The following PIP4K2A variants were observed in gnomAD, a reference collection of about 807,000 sequenced individuals.
The protein encoded by PIP4K2A is phosphatidylinositol-5-phosphate 4-kinase type 2 alpha, also known as phosphatidylinositol 5-phosphate 4-kinase type-2 alpha.
In PIP4K2A, 14 loss-of-function variants were observed where a neutral mutation model predicts 42.9. That is an observed-to-expected ratio of 0.33 (90% confidence interval 0.22 to 0.51). PIP4K2A has a LOEUF of 0.51. PIP4K2A is among the 20% of genes least tolerant of loss of function. PIP4K2A has a pLI of 0.97. For synonymous variants in PIP4K2A, 192 were observed against 192.2 expected, an observed-to-expected ratio of 1.00 and a Z score of 0.01; for missense variants, 434 against 519.8, an observed-to-expected ratio of 0.83 and a Z score of 1.61.
rs537337790 is a variant in PIP4K2A, at chr10:22,578,518, A to C, written c.493-5061T>G. On this transcript the variant is annotated intron_variant, in intron 4 of 9. Coordinates refer to ENST00000376573, the MANE Select transcript of PIP4K2A (RefSeq NM_005028.5). ...GCTGTGTTCTCCTGGCAGTCCTCCT[A>C]CTCCGTCCCATCTTTCCTGCTCTTT... is the stretch of plus-strand genomic sequence containing the variant. Among the ~76,000 whole-genome samples, 31 of 151,358 alleles carry C rather than the reference A, an allele frequency of 2.0e-4. No individual in the cohort carries two copies. In the South Asian group the frequency reaches 5.9e-3, roughly 29 times the overall value.
At chr10:22,640,014 C>CTTTTTTTTTTTTTTTTTTT (rs71395806) in intron 1 of PIP4K2A, among the ~76,000 whole-genome samples, 1 of 92,354 alleles carries the variant, frequency 1.1e-5, no homozygotes, top group Non-Finnish European at 2.0e-5. Flanking sequence ...GATGTGTTGT[C>CTTTTTTTTTTTTTTTTTTT]TTTTTTTTTT....
chr10:22,582,925 A>G (rs1311649177), intron 4 of PIP4K2A, among the ~76,000 whole-genome samples: 1 of 151,162 alleles, frequency 6.6e-6, no homozygotes, highest in Non-Finnish European at 1.5e-5. Context: ...AAGGATGACT[A>G]CATTTAAGCA....
rs1425281380 is a variant in PIP4K2A at position 22,664,090 on chromosome 10, C to CGTAT, written c.144+50092_144+50093insATAC. Reference sequence around the variant, plus strand: ...ATATATATATACGTATATATATATACATATATATATATACATATATATATA... The same window carrying CGTAT: ...ATATATATATACGTATATATATATACGTATATATATATATATACATATATATATA... On this transcript the variant is annotated intron_variant, in intron 1 of 9. Transcript: ENST00000376573. Among the ~76,000 whole-genome samples, 4 of 64,046 alleles carry CGTAT rather than the reference C, an allele frequency of 6.2e-5. No homozygotes were observed. In the African/African-American group the frequency reaches 6.5e-4, roughly 10 times the overall value. 42.0% of individuals were successfully genotyped at this position (64,046 alleles called of 152,430 possible).
intron 1 of PIP4K2A, among the ~76,000 whole-genome samples, chr10:22,642,376 C>A (rs1213721329): frequency 6.6e-6 from 1 of 152,030 alleles, no homozygotes; most frequent in East Asian, 1.9e-4. Context: ...TAAAATCATA[C>A]CAACAAAGAA....
At chr10:22,537,457 A>G (rs977680464) in intron 9 of PIP4K2A, among the ~76,000 whole-genome samples, 176 bp from the exon 10 acceptor site, 1 of 152,164 alleles carries the variant, frequency 6.6e-6, no homozygotes, top group Non-Finnish European at 1.5e-5. Context: ...TCATGGTTGA[A>G]TAAGCAAGGT....
At chr10:22,608,079 T>C in intron 2 of PIP4K2A, 56 bp from the exon 3 acceptor site, 1 of 1,128,510 alleles carries the variant, frequency 8.9e-7, no homozygotes, top group Non-Finnish European at 1.3e-6. Flanking sequence ...GACTTGCATC[T>C]GCCACCACTG....
chr10:22,560,294 C>A (rs1836655600), intron 6 of PIP4K2A, among the ~76,000 whole-genome samples: 2 of 152,268 alleles, frequency 1.3e-5, no homozygotes, highest in South Asian at 4.1e-4. Flanking sequence ...TAAAGATTTC[C>A]AGAAGGATAC....
chr10:22,675,530 CAG>C (rs1231671762), intron 1 of PIP4K2A, among the ~76,000 whole-genome samples: 1 of 152,052 alleles, frequency 6.6e-6, no homozygotes, highest in African/African-American at 2.4e-5. Context: ...AGGTTGCAGT[CAG>C]TGAGCCAAGA....
intron 1 of PIP4K2A, 136 bp downstream of exon 1, chr10:22,714,047 C>T: frequency 1.1e-6 from 1 of 912,576 alleles, no homozygotes; most frequent in South Asian, 1.8e-5. Flanking sequence ...CTGGGGGCTT[C>T]GAGGCGGGCG....
At chr10:22,658,872 C>A (rs1482370019) in intron 1 of PIP4K2A, among the ~76,000 whole-genome samples, 1 of 152,232 alleles carries the variant, frequency 6.6e-6, no homozygotes, top group Non-Finnish European at 1.5e-5. Flanking sequence ...CCCGAGGTCA[C>A]AAGGTCATAT....
At chr10:22,625,383 C>A (rs956579604) in intron 1 of PIP4K2A, among the ~76,000 whole-genome samples, 8 of 152,102 alleles carry the variant, frequency 5.3e-5, no homozygotes, top group Admixed American at 2.0e-4. Context: ...CTTTTTCAGT[C>A]TTAAATATGC....
rs767408372 is a variant in PIP4K2A, at chr10:22,537,363, C to T, written c.1141-82G>A. On this transcript the variant is annotated intron_variant, in intron 9 of 9. Coordinates refer to ENST00000376573, the MANE Select transcript of PIP4K2A (RefSeq NM_005028.5). ...ATTACTCAATATCTACAGCTATTTC[C>T]AATGGCAACTGAATATACAGCAAGC... is the stretch of plus-strand genomic sequence containing the variant. 3.3e-4 allele frequency: 351 copies of T among 1,059,762 alleles called. 2 individuals are homozygous for T. Among genetic ancestry groups the T allele is most frequent in the Non-Finnish European group, 4.5e-4 (320 of 706,222 alleles). The allele number at this position is 1,059,762 out of a possible 1,614,324, so 65.6% of individuals were successfully genotyped here.
chr10:22,550,817 C>T, intron 6 of PIP4K2A, 45 bp from the exon 7 acceptor site: 1 of 1,186,470 alleles, frequency 8.4e-7, no homozygotes, highest in Non-Finnish European at 1.3e-6. Flanking sequence ...TTGAAGAAAA[C>T]CTAAAAAAAC....
In PIP4K2A at chr10:22,548,394, G is replaced by A. The variant is rs529747431; in HGVS notation, c.792+2265C>T. 9.9e-5 allele frequency among the ~76,000 whole-genome samples: 15 copies of A among 152,270 alleles called. No homozygotes were observed. In the South Asian group the frequency reaches 2.9e-3, roughly 29 times the overall value. ...TGTAATTCAACTGTAAATTTGAACT[G>A]CTTGAATTACATTATTTCTGGAGTC... is the stretch of plus-strand genomic sequence containing the variant. On this transcript the variant is annotated intron_variant, in intron 7 of 9. Transcript: ENST00000376573.
chr10:22,626,433 G>A (rs1417177417), intron 1 of PIP4K2A, among the ~76,000 whole-genome samples: 2 of 152,152 alleles, frequency 1.3e-5, no homozygotes, highest in African/African-American at 2.4e-5. Flanking sequence ...TAATTGTTTA[G>A]CAAGTAATAT....
At chr10:22,632,744 T>C (rs1048270150) in intron 1 of PIP4K2A, among the ~76,000 whole-genome samples, 2 of 152,190 alleles carry the variant, frequency 1.3e-5, no homozygotes, top group Admixed American at 6.5e-5. Flanking sequence ...AGAGCTTATT[T>C]TGAAATAAAA....
At chr10:22,636,813 C>T (rs1000860939) in intron 1 of PIP4K2A, among the ~76,000 whole-genome samples, 5 of 152,172 alleles carry the variant, frequency 3.3e-5, no homozygotes, top group South Asian at 2.1e-4. Context: ...GTACTGGCCG[C>T]GAGGGTGGCT....
chr10:22,675,776 CAG>C (rs1839546161), intron 1 of PIP4K2A, among the ~76,000 whole-genome samples: 1 of 152,178 alleles, frequency 6.6e-6, no homozygotes, highest in Non-Finnish European at 1.5e-5. Flanking sequence ...ACATAATGCT[CAG>C]AGAAGAGGGT....
intron 6 of PIP4K2A, among the ~76,000 whole-genome samples, chr10:22,554,070 G>A (rs1460707017): frequency 6.6e-6 from 1 of 151,996 alleles, no homozygotes; most frequent in African/African-American, 2.4e-5. Flanking sequence ...GAGCCCGGGA[G>A]GTCAAAGTTG....
Sources: allele counts gnomAD v4.1 joint callset (sites outside exome capture counted in the v4.1 genomes callset), GRCh38; gene constraint gnomAD v4.1.1; transcripts MANE v1.5; gene names NCBI Gene and HGNC (gene_info 2026-07-23, HGNC 2026-07-21).